The following GSK3A variants were observed in gnomAD, a reference collection of about 807,000 sequenced individuals.
GSK3A encodes the protein glycogen synthase kinase-3 alpha.
A neutral mutation model predicts 56.6 loss-of-function variants in GSK3A; 14 were observed. The ratio of observed to expected loss-of-function variants is 0.25; its 90% CI spans 0.16 to 0.39. GSK3A has a LOEUF of 0.39. GSK3A is among the 10% of genes least tolerant of loss of function. The pLI is 1.00. For missense variants in GSK3A, 450 were observed against 656.0 expected (o/e 0.69, Z 3.43); for synonymous variants, 301 against 285.0 (o/e 1.06, Z -0.56).
chr19:42,237,286 G>A (rs1599812166), intron 2 of GSK3A, among the ~76,000 whole-genome samples: 1 of 151,408 alleles, frequency 6.6e-6, no homozygotes. Flanking sequence ...AGCCTTCCAA[G>A]TAGCTGGGAT....
rs1322450250 is a variant in GSK3A at position 42,242,281 on chromosome 19, GC to G, written c.184del (p.Ala62ProfsTer30). 3 of 1,436,820 alleles carry G rather than the reference GC, an allele frequency of 2.1e-6. No homozygotes were observed. Among genetic ancestry groups the G allele is most frequent in the South Asian group, 2.7e-5 (2 of 72,976 alleles). 89.0% of individuals were successfully genotyped at this position (1,436,820 alleles called of 1,614,324 possible). On this transcript the variant is annotated frameshift_variant, in exon 1 of 11. Transcript: ENST00000222330. LOFTEE classifies it high-confidence loss of function. ...SVGAMGGGVG[A>X]SSSGGGPGGS... ...GCCGGGTCCACCCCCGGAGCTCGAG[GC>G]CCCGACGCCCCCACCCATGGCCCCG... is the stretch of plus-strand genomic sequence containing the variant.
intron 4 of GSK3A, among the ~76,000 whole-genome samples, chr19:42,236,147 CAG>C (rs535584993): frequency 1.1e-4 from 16 of 152,348 alleles, no homozygotes; most frequent in African/African-American, 3.8e-4. Context: ...TGAGCCTGCA[CAG>C]ATGATGGACG....
intron 4 of GSK3A, among the ~76,000 whole-genome samples, chr19:42,235,742 T>C (rs2036253008): frequency 6.6e-6 from 1 of 152,218 alleles, no homozygotes; most frequent in Admixed American, 6.5e-5. Context: ...TGATGACGCC[T>C]TTCTACCCTA....
At chr19:42,237,007 T>A (rs570158775) in intron 2 of GSK3A, 66 bp from the exon 3 acceptor site, 1 of 1,104,024 alleles carries the variant, frequency 9.1e-7, no homozygotes, top group East Asian at 2.3e-5. Context: ...CTACTCACAC[T>A]CACTCCCAAC....
chr19:42,242,363 C>A lies in GSK3A; in HGVS notation c.103G>T (p.Gly35Cys), dbSNP rs1368819528. ...GGGCCGGAGGCCGAGCCTCCGGGGC[C>A]GCCGCCGCCTCCTCCGCCTCCGCCG... ...PGGGGGGGGG[G>C]PGGSASGPGG... The change falls in exon 1 of 11, where the codon GGC becomes TGC. Residue 35 changes from glycine (G) to cysteine (C), a missense_variant. This residue lies in a region of GSK3A where 193 missense variants were observed against 200.5 expected (regional missense o/e 0.96). Coordinates refer to ENST00000222330, the MANE Select transcript of GSK3A (RefSeq NM_019884.3). 7 of 1,402,654 alleles carry A rather than the reference C, an allele frequency of 5.0e-6. No homozygotes were observed. The highest frequency in any genetic ancestry group is 3.0e-5 in the African/African-American group (2 of 66,316). The allele number at this position is 1,402,654 out of a possible 1,614,324, so 86.9% of individuals were successfully genotyped here. A position where few individuals can be genotyped will look rare whatever the true frequency, so the allele number is the denominator to read the frequency against.
rs1471954015 is a variant in GSK3A at position 42,242,379 on chromosome 19, G to A, written c.87C>T (p.Gly29=). The stretch of plus-strand genomic sequence containing the variant: ...CTCCGGGGCCGCCGCCGCCTCCTCC[G>A]CCTCCGCCGCCGGGCTCCGCGAACG... ...TSSFAEPGGG[G]GGGGGGPGGS... The change falls in exon 1 of 11, where the codon GGC becomes GGT. Residue 29 remains glycine (G), a synonymous_variant. Transcript: ENST00000222330. 4 of 1,391,024 alleles carry A rather than the reference G, an allele frequency of 2.9e-6. No individual in the cohort carries two copies. The highest frequency in any genetic ancestry group is 3.7e-6 in the Non-Finnish European group (4 of 1,074,660). The allele number at this position is 1,391,024 out of a possible 1,614,324, so 86.2% of individuals were successfully genotyped here.
rs1246756733 is a variant in GSK3A, at chr19:42,242,589, G to A, written c.-124C>T. ...GCCGCGCCGCTCTGGCTTGGGCTCC[G>A]GCTCCGGCCCAGCGCCCGCCGCGGG... On this transcript the variant is annotated 5_prime_UTR_variant, in exon 1 of 11. Transcript: ENST00000222330. 59 of 840,606 alleles carry A rather than the reference G, an allele frequency of 7.0e-5. No individual in the cohort carries two copies. Among genetic ancestry groups the A allele is most frequent in the East Asian group, 1.5e-4 (2 of 12,948 alleles). 52.1% of individuals were successfully genotyped at this position (840,606 alleles called of 1,614,324 possible).
chr19:42,237,392 T>G (rs112654436), intron 2 of GSK3A, among the ~76,000 whole-genome samples: 1 of 151,130 alleles, frequency 6.6e-6, no homozygotes, highest in Non-Finnish European at 1.5e-5. Flanking sequence ...CTCCTGACCT[T>G]GTGATCCACC....
In GSK3A at chr19:42,234,363, G is replaced by A. The variant is rs2036243343; in HGVS notation, c.894C>T (p.Thr298=). 4 of 1,612,782 alleles carry A rather than the reference G, an allele frequency of 2.5e-6. No homozygotes were observed. Among genetic ancestry groups the A allele is most frequent in the Non-Finnish European group, 3.4e-6 (4 of 1,178,880 alleles). The change falls in exon 6 of 11, where the codon ACC becomes ACT. Residue 298 remains threonine (T), a synonymous_variant. Transcript: ENST00000222330. The surrounding 1 kb of genome is among the most constrained non-coding windows in gnomAD (Gnocchi z 5.7). ...PELIFGATDY[T]SSIDVWSAGC... The stretch of plus-strand genomic sequence containing the variant: ...TCCCATAACTCTGACCGATGGATGA[G>A]GTGTAATCAGTGGCTCCAAAGATGA...
chr19:42,230,744 G>C lies in GSK3A; in HGVS notation c.*50C>G. On this transcript the variant is annotated 3_prime_UTR_variant, in exon 11 of 11. Coordinates refer to ENST00000222330, the MANE Select transcript of GSK3A (RefSeq NM_019884.3). ...TGATGGGCTATGGCCCCCCTTCCCA[G>C]CCCCTCTTGGGGCTCCCAGATGGAA... 7.2e-7 allele frequency: 1 copy of C among 1,397,102 alleles called. No individual in the cohort carries two copies. The highest frequency in any genetic ancestry group is 9.9e-7 in the Non-Finnish European group (1 of 1,005,976). 86.5% of individuals were successfully genotyped at this position (1,397,102 alleles called of 1,614,324 possible).
At position 42,234,426 on chromosome 19, in the gene GSK3A, G is replaced by A; in HGVS notation, c.831C>T (p.Val277=). 1 of 1,614,196 alleles carries A rather than the reference G, an allele frequency of 6.2e-7. No homozygotes were observed. The highest frequency in any genetic ancestry group is 1.1e-5 in the South Asian group (1 of 91,074). Residue 277 remains valine, a synonymous_variant, in exon 6 of 11, where the codon GTC becomes GTT. Transcript: ENST00000222330. The surrounding 1 kb of genome is among the most constrained non-coding windows in gnomAD (Gnocchi z 5.7). ...AKQLVRGEPN[V]SYICSRYYRA... Reference sequence around the variant, plus strand: ...GGTAGTAGCGAGAACAGATGTAGGAGACATTGGGCTCCCCTCGGACCAACT... The same window carrying A: ...GGTAGTAGCGAGAACAGATGTAGGAAACATTGGGCTCCCCTCGGACCAACT...
rs756922244 is a variant in GSK3A at position 42,232,647 on chromosome 19, C to T, written c.1134G>A (p.Ala378=). The T allele has an allele frequency of 6.2e-6, 10 of 1,601,112 alleles. No homozygotes were observed. The highest frequency in any genetic ancestry group is 5.1e-5 in the Admixed American group (3 of 58,924). Residue 378 remains alanine, a synonymous_variant, in exon 9 of 11, where the codon GCG becomes GCA. Coordinates refer to ENST00000222330, the MANE Select transcript of GSK3A (RefSeq NM_019884.3). ...FKSRTPPEAI[A]LCSSLLEYTP... ...TGTACTCCAGCAGGCTAGAGCAGAG[C>T]GCGATGGCCTCTGGCGGCGTTCGAG... is the stretch of plus-strand genomic sequence containing the variant.
At chr19:42,239,389 T>A (rs1383286198) in intron 2 of GSK3A, among the ~76,000 whole-genome samples, 1 of 152,180 alleles carries the variant, frequency 6.6e-6, no homozygotes, top group Non-Finnish European at 1.5e-5. Flanking sequence ...CAATTATTCC[T>A]CAACTTCCAC....
At chr19:42,231,979 AC>A in intron 10 of GSK3A, 77 bp downstream of exon 10, 1 of 722,056 alleles carries the variant, frequency 1.4e-6, no homozygotes, top group Non-Finnish European at 2.4e-6. Context: ...CATTCAGGAA[AC>A]CCAGTCACTG....
chr19:42,242,448 A>G lies in GSK3A; in HGVS notation c.18T>C (p.Pro6=). Residue 6 remains proline (P), a synonymous_variant, in exon 1 of 11, where the codon CCT becomes CCC. Coordinates refer to ENST00000222330, the MANE Select transcript of GSK3A (RefSeq NM_019884.3). ...CCGAGCCCCCAGGGCCGCCTCCCGA[A>G]GGCCCGCCGCCGCTCATGGCGCCGA... MSGGG[P]SGGGPGGSGR... is the part of the protein sequence containing the mutation. 7.9e-7 allele frequency: 1 copy of G among 1,260,570 alleles called. No homozygotes were observed. The highest frequency in any genetic ancestry group is 1.0e-6 in the Non-Finnish European group (1 of 1,001,816). 78.1% of individuals were successfully genotyped at this position (1,260,570 alleles called of 1,614,324 possible).
rs2036298460 is a variant in GSK3A, at chr19:42,242,330, T to G, written c.136A>C (p.Thr46Pro). The G allele has an allele frequency of 3.5e-6, 5 of 1,430,898 alleles. No homozygotes were observed. Among genetic ancestry groups the G allele is most frequent in the Non-Finnish European group, 2.7e-6 (3 of 1,097,698 alleles). 88.6% of individuals were successfully genotyped at this position (1,430,898 alleles called of 1,614,324 possible). ...CCGACAGATGCCTTTCCGCCGCCGG[T>G]GCCGCCTGGGCCGGAGGCCGAGCCT... ...PGGSASGPGGTGGGKASVGAM... is the reference protein window; with the variant it reads ...PGGSASGPGGPGGGKASVGAM... Residue 46 changes from threonine to proline, a missense_variant, in exon 1 of 11, where the codon ACC (threonine) becomes CCC (proline). This residue lies in a region of GSK3A where 193 missense variants were observed against 200.5 expected (regional missense o/e 0.96). Transcript: ENST00000222330.
chr19:42,236,478 C>T, intron 4 of GSK3A, 128 bp downstream of exon 4: 1 of 702,632 alleles, frequency 1.4e-6, no homozygotes, highest in Non-Finnish European at 2.6e-6. Context: ...ATGGGAACAA[C>T]AGCAGGGGAC....
Position 42,242,601 on chromosome 19 carries a change from G to C in GSK3A, c.-136C>G, listed in dbSNP as rs1247201951. 2 of 717,774 alleles carry C rather than the reference G, an allele frequency of 2.8e-6. No individual in the cohort carries two copies. The highest frequency in any genetic ancestry group is 7.5e-5 in the East Asian group (1 of 13,362). 44.5% of individuals were successfully genotyped at this position (717,774 alleles called of 1,614,324 possible). Reference sequence around the variant, plus strand: ...TGGCTTGGGCTCCGGCTCCGGCCCAGCGCCCGCCGCGGGGCACGCCGGGAG... The same window carrying C: ...TGGCTTGGGCTCCGGCTCCGGCCCACCGCCCGCCGCGGGGCACGCCGGGAG... On this transcript the variant is annotated 5_prime_UTR_variant, in exon 1 of 11. Transcript: ENST00000222330.
chr19:42,232,993 G>T, intron 8 of GSK3A, 117 bp downstream of exon 8: 1 of 709,628 alleles, frequency 1.4e-6, no homozygotes. Flanking sequence ...ATTGATCCCT[G>T]GATAACTCTT....
Sources: gnomAD v4.1 joint callset for allele counts (sites outside exome capture counted in the v4.1 genomes callset) on GRCh38, gnomAD v4.1.1 for gene constraint, gnomAD v4.1.1 regional missense constraint, Gnocchi (gnomAD v3.1) non-coding constraint, MANE v1.5 for transcripts, NCBI Gene and HGNC (gene_info 2026-07-23, HGNC 2026-07-21) for gene names.